PIP5K1C: variants seen among roughly 807,000 people sequenced by gnomAD.
The protein encoded by PIP5K1C is phosphatidylinositol 4-phosphate 5-kinase type-1 gamma.
In PIP5K1C, 45 loss-of-function variants were observed where a neutral mutation model predicts 80.1. The ratio of observed to expected loss-of-function variants is 0.56; its 90% CI spans 0.44 to 0.72. The LOEUF is 0.72. Among genes scored for constraint, PIP5K1C ranks in the 30% least tolerant of loss-of-function variants. PIP5K1C has a pLI of 0.00. For synonymous variants in PIP5K1C, 498 were observed against 420.1 expected, an observed-to-expected ratio of 1.19 and a Z score of -2.27; for missense variants, 753 against 954.6, an observed-to-expected ratio of 0.79 and a Z score of 2.78.
At chr19:3,685,317 C>T (rs143250091) in intron 1 of PIP5K1C, among the ~76,000 whole-genome samples, 160 of 152,270 alleles carry the variant, frequency 1.1e-3, no homozygotes, top group African/African-American at 3.5e-3. Flanking sequence ...TAGACAACTT[C>T]GGCACAGGTA....
intron 1 of PIP5K1C, among the ~76,000 whole-genome samples, chr19:3,669,214 C>CA (rs2035119926): frequency 6.6e-6 from 1 of 152,176 alleles, no homozygotes; most frequent in Non-Finnish European, 1.5e-5. Context: ...TGGAGACACT[C>CA]AGGCTGCGCC....
At chr19:3,677,840 T>C (rs1273675223) in intron 1 of PIP5K1C, among the ~76,000 whole-genome samples, 2 of 8,252 alleles carry the variant, frequency 2.4e-4, no homozygotes, top group African/African-American at 5.5e-4. Flanking sequence ...GAGGGAGGGA[T>C]GGAGGGGTGG....
intron 1 of PIP5K1C, among the ~76,000 whole-genome samples, chr19:3,677,139 G>C (rs768995611): frequency 1.3e-5 from 2 of 151,968 alleles, no homozygotes; most frequent in African/African-American, 4.8e-5. Context: ...TAAAATGAAA[G>C]AAGTATAAAG....
At chr19:3,678,513 GGGATGGAGGGAGGGAT>G (rs2035477231) in intron 1 of PIP5K1C, among the ~76,000 whole-genome samples, 1 of 120,514 alleles carries the variant, frequency 8.3e-6, no homozygotes, top group Non-Finnish European at 1.7e-5. Flanking sequence ...GAAGGATGGT[GGGATGGAGGGAGGGAT>G]GGATGGAGGG....
rs368474958 is a variant in PIP5K1C at position 3,664,004 on chromosome 19, C to T, written c.219+818G>A. 4.6e-5 allele frequency among the ~76,000 whole-genome samples: 7 copies of T among 152,330 alleles called. No individual in the cohort carries two copies. The South Asian group carries it at 8.3e-4, about 18-fold the overall frequency. ...GACGCAGCAAAGGACAAGTGCAGCACGGGCGCCCCACGCACCAGAACACGA... is the reference window on the plus strand; with the variant it reads ...GACGCAGCAAAGGACAAGTGCAGCATGGGCGCCCCACGCACCAGAACACGA... On this transcript the variant is annotated intron_variant, in intron 3 of 17. Transcript: ENST00000335312.
chr19:3,688,394 C>G lies in PIP5K1C; in HGVS notation c.94+11903G>C, dbSNP rs1380745933. ...CTCACCTGCGAGGGGGGGACGGCCT[C>G]TGGCCCCCTGCTGTGGGCGGGGAGG... On this transcript the variant is annotated intron_variant, in intron 1 of 17. Transcript: ENST00000335312. The surrounding 1 kb of genome is among the most constrained non-coding windows in gnomAD (Gnocchi z 5.3). Among the ~76,000 whole-genome samples the G allele has an allele frequency of 2.0e-5, 3 of 152,124 alleles. No homozygotes were observed.
At position 3,637,025 on chromosome 19, in the gene PIP5K1C, T is replaced by C. The variant is rs537084356; in HGVS notation, c.1920+1859A>G. The C allele has an allele frequency of 4.1e-5, 43 of 1,057,900 alleles. No individual in the cohort carries two copies. The Admixed American group carries it at 7.0e-4, about 17-fold the overall frequency. 65.5% of individuals were successfully genotyped at this position (1,057,900 alleles called of 1,614,324 possible). The stretch of plus-strand genomic sequence containing the variant: ...CCAGGGGAGCCGAGGCCTCAGCGCC[T>C]CCATCTGTGAGGTGGGTGTGGAGAG... On this transcript the variant is annotated intron_variant, in intron 16 of 17. Transcript: ENST00000335312. The surrounding 1 kb of genome is among the most constrained non-coding windows in gnomAD (Gnocchi z 7.0).
Position 3,648,577 on chromosome 19 carries a change from T to G in PIP5K1C, c.1211+48A>C, listed in dbSNP as rs1478643210. 2 of 1,537,346 alleles carry G rather than the reference T, an allele frequency of 1.3e-6. No individual in the cohort carries two copies. Among genetic ancestry groups the G allele is most frequent in the East Asian group, 2.3e-5 (1 of 44,246 alleles). ...AGACCCGGGCGCCCACCTGTGGGACTGCAGACCCGGGGCGTCCACCTGTAG... is the reference window on the plus strand; with the variant it reads ...AGACCCGGGCGCCCACCTGTGGGACGGCAGACCCGGGGCGTCCACCTGTAG... On this transcript the variant is annotated intron_variant, in intron 9 of 17. Transcript: ENST00000335312. The surrounding 1 kb of genome is among the most constrained non-coding windows in gnomAD (Gnocchi z 4.3).
rs775415183 is a variant in PIP5K1C at position 3,690,294 on chromosome 19, C to T, written c.94+10003G>A. Among the ~76,000 whole-genome samples the T allele has an allele frequency of 6.6e-5, 10 of 151,928 alleles. 1 individual carries two copies. The highest frequency in any genetic ancestry group is 5.9e-4 in the Admixed American group (9 of 15,254). ...AGAGGATCACTTGAGGCCAGGAGCT[C>T]GAGACCAGCCCAGGCAACATGGGAA... On this transcript the variant is annotated intron_variant, in intron 1 of 17. Coordinates refer to ENST00000335312, the MANE Select transcript of PIP5K1C (RefSeq NM_012398.3).
chr19:3,678,457 G>A (rs542923163), intron 1 of PIP5K1C, among the ~76,000 whole-genome samples: 3 of 133,044 alleles, frequency 2.3e-5, no homozygotes, highest in African/African-American at 5.6e-5. Context: ...GAGGATGGAG[G>A]GATGGAGGAT....
intron 17 of PIP5K1C, 44 bp from the exon 18 acceptor site, chr19:3,633,213 C>T: frequency 1.3e-6 from 1 of 747,572 alleles, no homozygotes; most frequent in Non-Finnish European, 2.5e-6. Flanking sequence ...GGGCGAGGGC[C>T]CACCCCAGGC....
At position 3,644,157 on chromosome 19, in the gene PIP5K1C, G is replaced by T; in HGVS notation, c.1440C>A (p.Ile480=). The change falls in exon 12 of 18, where the codon ATC becomes ATA. Residue 480 remains isoleucine (I), a synonymous_variant. Coordinates refer to ENST00000335312, the MANE Select transcript of PIP5K1C (RefSeq NM_012398.3). ...GPTAAFSASQ[I]PSEREEAQYD... ...ACTGGGCCTCCTCCCGCTCGCTAGG[G>T]ATCTGGCTGGCCGAGAAGGCAGCGG... The T allele has an allele frequency of 6.2e-7, 1 of 1,612,234 alleles. No homozygotes were observed.
intron 1 of PIP5K1C, among the ~76,000 whole-genome samples, chr19:3,697,086 G>A (rs575892484): frequency 4.0e-5 from 6 of 148,376 alleles, no homozygotes; most frequent in South Asian, 4.3e-4. Context: ...AAGGAGGACC[G>A]AGCTGGACCG....
At chr19:3,660,779 G>C (rs1345352236) in intron 5 of PIP5K1C, among the ~76,000 whole-genome samples, 187 bp downstream of exon 5, 1 of 152,106 alleles carries the variant, frequency 6.6e-6, no homozygotes, top group Non-Finnish European at 1.5e-5. Flanking sequence ...CCAGTGATGT[G>C]AGCTTGGAGG....
At position 3,679,192 on chromosome 19, in the gene PIP5K1C, C is replaced by T. The variant is rs114789699; in HGVS notation, c.95-11839G>A. Among the ~76,000 whole-genome samples the T allele has an allele frequency of 4.3e-3, 659 of 152,176 alleles. 3 individuals are homozygous for T. Among genetic ancestry groups the T allele is most frequent in the African/African-American group, 0.014 (592 of 41,504 alleles). ...GGTGTTTTCAAGCTCTGAAGAAACA[C>T]GGTTTTTGAGGGAACTCTGCTTGAG... On this transcript the variant is annotated intron_variant, in intron 1 of 17. Transcript: ENST00000335312.
intron 8 of PIP5K1C, among the ~76,000 whole-genome samples, chr19:3,651,448 C>A (rs1177108651): frequency 6.6e-6 from 1 of 152,254 alleles, no homozygotes; most frequent in Non-Finnish European, 1.5e-5. Context: ...CCCGATCCCT[C>A]TGGCCTCCCA....
chr19:3,653,710 C>T (rs1342930517), intron 6 of PIP5K1C, 121 bp from the exon 7 acceptor site: 4 of 939,480 alleles, frequency 4.3e-6, no homozygotes, highest in South Asian at 3.4e-5. Context: ...CCTCTCTCCC[C>T]AGAAGCCCTC....
rs2145608721 is a variant in PIP5K1C at position 3,690,769 on chromosome 19, A to G, written c.94+9528T>C. ...TAAAGAGCTCCTACGAATCAACAAA[A>G]TGGTGACAGATAACTGTAGACTGGG... On this transcript the variant is annotated intron_variant, in intron 1 of 17. Transcript: ENST00000335312. 2.0e-5 allele frequency among the ~76,000 whole-genome samples: 3 copies of G among 152,318 alleles called. 1 individual carries two copies. The South Asian group carries it at 6.2e-4, about 32-fold the overall frequency.
At chr19:3,684,051 GGA>G (rs2145584098) in intron 1 of PIP5K1C, among the ~76,000 whole-genome samples, 1 of 150,676 alleles carries the variant, frequency 6.6e-6, no homozygotes, top group Admixed American at 6.6e-5. Flanking sequence ...CCCCAGCACA[GGA>G]GAGGCAGAGC....
Sources: allele counts gnomAD v4.1 joint callset (sites outside exome capture counted in the v4.1 genomes callset), GRCh38; gene constraint gnomAD v4.1.1; non-coding constraint Gnocchi (gnomAD v3.1); transcripts MANE v1.5; gene names NCBI Gene and HGNC (gene_info 2026-07-23, HGNC 2026-07-21).